Variants in MOBP observed in about 807,000 individuals in gnomAD.
MOBP encodes myelin associated oligodendrocyte basic protein, also known as myelin-associated oligodendrocyte basic protein.
In MOBP, 5 loss-of-function variants were observed where a neutral mutation model predicts 15.0. The ratio of observed to expected loss-of-function variants is 0.33; its 90% CI spans 0.17 to 0.70. MOBP has a LOEUF of 0.70. Among genes scored for constraint, MOBP ranks in the 30% least tolerant of loss-of-function variants. MOBP has a pLI of 0.67. For synonymous variants in MOBP, 88 were observed against 99.0 expected, an observed-to-expected ratio of 0.89 and a Z score of 0.66; for missense variants, 188 against 257.8, an observed-to-expected ratio of 0.73 and a Z score of 1.85.
exon 5 of MOBP, chr3:39,513,460 C>T (rs1048544606): frequency 6.9e-6 from 11 of 1,603,410 alleles, no homozygotes; most frequent in Admixed American, 3.4e-5. Context: ...AACCTCGGCT[C>T]CTGGACTCAT....
At chr3:39,479,710 A>G (rs1024392093) in intron 1 of MOBP, among the ~76,000 whole-genome samples, 9 of 152,146 alleles carry the variant, frequency 5.9e-5, no homozygotes, top group Non-Finnish European at 8.8e-5. Flanking sequence ...TCAAGTTTAT[A>G]AGCAAAAATT....
At chr3:39,496,411 G>A (rs760240675) in intron 2 of MOBP, among the ~76,000 whole-genome samples, 6 of 151,784 alleles carry the variant, frequency 4.0e-5, no homozygotes, top group Non-Finnish European at 7.4e-5. Flanking sequence ...GTGTTAGCCA[G>A]GATGGTCTTG....
intron 2 of MOBP, among the ~76,000 whole-genome samples, chr3:39,481,392 T>C (rs571292054): frequency 6.6e-6 from 1 of 152,378 alleles, no homozygotes; most frequent in Non-Finnish European, 1.5e-5. Flanking sequence ...TCTTCTCTCT[T>C]CTAACAAAGA....
downstream of MOBP, among the ~76,000 whole-genome samples, chr3:39,520,550 GTGTGTGTA>G (rs1192251276): frequency 6.5e-5 from 9 of 139,180 alleles, no homozygotes; most frequent in African/African-American, 2.2e-4. Context: ...GTGTGTGTGT[GTGTGTGTA>G]TGTGTGTGTG....
chr3:39,472,438 C>T (rs2042484172), intron 1 of MOBP, among the ~76,000 whole-genome samples: 1 of 152,110 alleles, frequency 6.6e-6, no homozygotes, highest in Non-Finnish European at 1.5e-5. Context: ...GTACATAGTG[C>T]TATTTAATAT....
At chr3:39,480,347 A>G (rs1324997117) in intron 2 of MOBP, among the ~76,000 whole-genome samples, 2 of 152,200 alleles carry the variant, frequency 1.3e-5, no homozygotes, top group Non-Finnish European at 2.9e-5. Context: ...CAGAGGGACT[A>G]TGACCCAAGC....
downstream of MOBP, among the ~76,000 whole-genome samples, chr3:39,518,636 C>T (rs2043229859): frequency 6.6e-6 from 1 of 152,142 alleles, no homozygotes; most frequent in East Asian, 1.9e-4. Flanking sequence ...GGTGGTGGCC[C>T]ATGCTACCTC....
At chr3:39,488,855 C>G (rs1317285264) in intron 2 of MOBP, among the ~76,000 whole-genome samples, 1 of 152,154 alleles carries the variant, frequency 6.6e-6, no homozygotes, top group African/African-American at 2.4e-5. Context: ...GTCATGTCTC[C>G]CTGGTTTTCC....
rs574784538 is a variant in MOBP at position 39,469,009 on chromosome 3, T to C, written c.-89+1269T>C. Among the ~76,000 whole-genome samples, 6 of 110,510 alleles carry C rather than the reference T, an allele frequency of 5.4e-5. 2 individuals are homozygous for C. Among genetic ancestry groups the C allele is most frequent in the African/African-American group, 2.4e-4 (5 of 20,496 alleles). 72.5% of individuals were successfully genotyped at this position (110,510 alleles called of 152,430 possible). On this transcript the variant is annotated intron_variant, in intron 1 of 3. Coordinates refer to ENST00000684792, the MANE Select transcript of MOBP (RefSeq NM_001393704.1). ...ATACATATGTGTGTGTATATATACA[T>C]ATATACATATGTGTGTATATATATA...
chr3:39,501,963 T>C, intron 2 of MOBP, 103 bp from the exon 3 acceptor site: 1 of 951,784 alleles, frequency 1.1e-6, no homozygotes, highest in East Asian at 2.5e-5. Flanking sequence ...CCCTGAATGT[T>C]ACCTTGGATT....
chr3:39,477,465 G>C (rs1309703286), intron 1 of MOBP, among the ~76,000 whole-genome samples: 3 of 151,680 alleles, frequency 2.0e-5, no homozygotes, highest in African/African-American at 7.3e-5. Flanking sequence ...CAAATCTACT[G>C]TGCTGCCAAT....
intron 2 of MOBP, among the ~76,000 whole-genome samples, chr3:39,481,103 G>T (rs184822374): frequency 6.6e-6 from 1 of 152,152 alleles, no homozygotes; most frequent in East Asian, 1.9e-4. Flanking sequence ...AAATTGTCTG[G>T]TGAATTCCAC....
chr3:39,495,894 A>G (rs1266849227), intron 2 of MOBP, among the ~76,000 whole-genome samples: 1 of 151,458 alleles, frequency 6.6e-6, no homozygotes, highest in East Asian at 1.9e-4. Flanking sequence ...AGCTTCTGAC[A>G]AAAGTACTCA....
intron 2 of MOBP, among the ~76,000 whole-genome samples, chr3:39,480,720 G>C (rs1040244205): frequency 3.9e-5 from 6 of 152,110 alleles, no homozygotes; most frequent in Non-Finnish European, 8.8e-5. Flanking sequence ...CTTCGCTGAT[G>C]GTTTTTTACT....
exon 5 of MOBP, chr3:39,524,475 T>C (rs920510997): frequency 6.6e-6 from 1 of 152,106 alleles, no homozygotes; most frequent in Non-Finnish European, 1.5e-5. Flanking sequence ...AAGATACATG[T>C]CTTTCTCCAG....
Position 39,469,214 on chromosome 3 carries a change from G to GTA in MOBP, c.-89+1479_-89+1480dup, listed in dbSNP as rs1246801933. 5.4e-4 allele frequency among the ~76,000 whole-genome samples: 53 copies of GTA among 98,670 alleles called. 8 individuals carry two copies. Among genetic ancestry groups the GTA allele is most frequent in the African/African-American group, 3.3e-3 (41 of 12,486 alleles). The allele number at this position is 98,670 out of a possible 152,430, so 64.7% of individuals were successfully genotyped here. Reference sequence around the variant, plus strand: ...TGTATATACATATATACATGTGTGTGTATATACATATATACATATGTGTGT... The same window carrying GTA: ...TGTATATACATATATACATGTGTGTGTATATATACATATATACATATGTGTGT... On this transcript the variant is annotated intron_variant, in intron 1 of 3. Coordinates refer to ENST00000684792, the MANE Select transcript of MOBP (RefSeq NM_001393704.1).
At chr3:39,511,818 G>C (rs2043123000) in intron 4 of MOBP, among the ~76,000 whole-genome samples, 1 of 152,062 alleles carries the variant, frequency 6.6e-6, no homozygotes, top group Non-Finnish European at 1.5e-5. Context: ...AGTCAGTCTG[G>C]CACAGTGAGA....
chr3:39,501,939 G>A, intron 2 of MOBP, 127 bp from the exon 3 acceptor site: 1 of 723,702 alleles, frequency 1.4e-6, no homozygotes, highest in Non-Finnish European at 2.4e-6. Context: ...CCAGGGTGTT[G>A]CTCTGTAGGG....
chr3:39,483,864 C>T lies in MOBP; in HGVS notation c.-5+3741C>T, dbSNP rs141750906. On this transcript the variant is annotated intron_variant, in intron 2 of 3. Coordinates refer to ENST00000684792, the MANE Select transcript of MOBP (RefSeq NM_001393704.1). ...TATGCTAAAACCTTAATTTTTTAAA[C>T]TACCCTTGCTGAGAACCTGACAAAA... Among the ~76,000 whole-genome samples the T allele has an allele frequency of 1.1e-4, 16 of 152,284 alleles. No individual in the cohort carries two copies. The East Asian group carries it at 3.1e-3, about 29-fold the overall frequency.
Sources: gnomAD v4.1 joint callset for allele counts (sites outside exome capture counted in the v4.1 genomes callset) on GRCh38, gnomAD v4.1.1 for gene constraint, MANE v1.5 for transcripts, NCBI Gene and HGNC (gene_info 2026-07-23, HGNC 2026-07-21) for gene names.